SLFN11: variants seen among roughly 807,000 people sequenced by gnomAD.
SLFN11 encodes schlafen family member 11.
A neutral mutation model predicts 53.4 loss-of-function variants in SLFN11; 43 were observed. The ratio of observed to expected loss-of-function variants is 0.80; its 90% confidence interval spans 0.63 to 1.04. The LOEUF (loss-of-function observed/expected upper bound fraction) is 1.04. SLFN11 is among the 50% of genes least tolerant of loss of function. The pLI, the probability that SLFN11 is intolerant of heterozygous loss-of-function variation, is 0.00. For missense variants in SLFN11, 990 were observed against 1,079.1 expected (o/e 0.92, Z 1.16); for synonymous variants, 389 against 394.7 (o/e 0.99, Z 0.17).
chr17:35,367,747 C>T (rs17548548), intron 1 of SLFN11, 47 bp from the exon 2 acceptor site: 3,664 of 152,084 alleles, frequency 0.024, 71 homozygotes, highest in Non-Finnish European at 0.036. Flanking sequence ...ACTCAGTTTT[C>T]CTAGGTTCAA....
chr17:35,359,762 C>G (rs2141954018), intron 5 of SLFN11, among the ~76,000 whole-genome samples: 1 of 152,272 alleles, frequency 6.6e-6, no homozygotes, highest in South Asian at 2.1e-4. Context: ...CGTGGAAAAT[C>G]TGGCAAGGGC....
At chr17:35,354,141 T>A in intron 5 of SLFN11, 82 bp from the exon 6 acceptor site, 1 of 1,218,260 alleles carries the variant, frequency 8.2e-7, no homozygotes, top group South Asian at 2.2e-5. Context: ...AACTAATTGA[T>A]TAACTAAATG....
chr17:35,368,129 T>C (rs777482500), intron 1 of SLFN11, among the ~76,000 whole-genome samples: 2 of 152,132 alleles, frequency 1.3e-5, no homozygotes, highest in Non-Finnish European at 2.9e-5. Flanking sequence ...TGGGTGGTTC[T>C]TATTTTTTTG....
chr17:35,364,177 C>T (rs755422026), intron 3 of SLFN11, among the ~76,000 whole-genome samples: 5 of 152,006 alleles, frequency 3.3e-5, no homozygotes, highest in South Asian at 2.1e-4. Flanking sequence ...AGCAGTGGAG[C>T]GCATGAAGGG....
chr17:35,366,700 A>C (rs1908997015), intron 3 of SLFN11, among the ~76,000 whole-genome samples: 1 of 152,122 alleles, frequency 6.6e-6, no homozygotes, highest in African/African-American at 2.4e-5. Context: ...TGAACAGATA[A>C]GGTGGATGTT....
At chr17:35,362,256 A>G (rs572120511) in intron 4 of SLFN11, among the ~76,000 whole-genome samples, 1 of 152,244 alleles carries the variant, frequency 6.6e-6, no homozygotes, top group South Asian at 2.1e-4. Flanking sequence ...CCACACAGAT[A>G]CAATAGATGT....
intron 1 of SLFN11, among the ~76,000 whole-genome samples, chr17:35,369,418 A>G (rs1909375127): frequency 1.3e-5 from 2 of 152,190 alleles, no homozygotes; most frequent in Non-Finnish European, 2.9e-5. Context: ...GTGTCTCATG[A>G]TTTGAGGGCC....
chr17:35,362,872 A>G lies in SLFN11; in HGVS notation c.936T>C (p.Ala312=), dbSNP rs557756751. 25 of 1,614,042 alleles carry G rather than the reference A, an allele frequency of 1.5e-5. No individual in the cohort carries two copies. The South Asian group carries it at 2.2e-4, about 14-fold the overall frequency. The part of the protein sequence containing the change: ...VLKRGELYGY[A]CMIRVNPFCC... ...AGAAGGGATTTACTCTGATCATGCA[A>G]GCATAGCCATAGAGCTCTCCCCTTT... The change falls in exon 4 of 7, where the codon GCT becomes GCC. Residue 312 remains alanine, a synonymous_variant. Transcript: ENST00000685675.
chr17:35,358,354 G>T (rs1285453616), intron 5 of SLFN11, among the ~76,000 whole-genome samples: 2 of 151,382 alleles, frequency 1.3e-5, no homozygotes, highest in East Asian at 3.9e-4. Flanking sequence ...TGATTATCAT[G>T]AATTCTCCAG....
intron 5 of SLFN11, among the ~76,000 whole-genome samples, chr17:35,357,139 C>CATGT (rs775063779): frequency 2.1e-5 from 3 of 142,820 alleles, no homozygotes; most frequent in Non-Finnish European, 3.1e-5. Flanking sequence ...TTTTTCTGTG[C>CATGT]GTGTGTGTGT....
Position 35,363,770 on chromosome 17 carries a change from G to A in SLFN11, c.38C>T (p.Ser13Phe), listed in dbSNP as rs1908588085. The A allele has an allele frequency of 6.3e-7, 1 of 1,599,786 alleles. No homozygotes were observed. Among genetic ancestry groups the A allele is most frequent in the African/African-American group, 1.3e-5 (1 of 74,216 alleles). Residue 13 changes from serine (S) to phenylalanine (F), a missense_variant, in exon 4 of 7, where the codon TCT becomes TTT. Transcript: ENST00000685675. ...TACATTGATGACCAGGTCTGGGTAA[G>A]ATGGTTCCACAACCAGGGGGCACTG... is the stretch of plus-strand genomic sequence containing the variant. Reference protein sequence around the residue: ...ANQCPLVVEPSYPDLVINVGE... With the variant: ...ANQCPLVVEPFYPDLVINVGE...
Position 35,370,446 on chromosome 17 carries a change from T to C in SLFN11, c.-234-2746A>G, listed in dbSNP as rs188222367. Among the ~76,000 whole-genome samples the C allele has an allele frequency of 2.8e-4, 42 of 152,168 alleles. 1 individual carries two copies. In the East Asian group the frequency reaches 7.9e-3, roughly 29 times the overall value. ...ACTATAAGGATCCTCACTTTCACCA[T>C]TGTTATTCAACATAGAAATCCTAGC... On this transcript the variant is annotated intron_variant, in intron 1 of 6. Transcript: ENST00000685675.
chr17:35,363,595 C>T lies in SLFN11; in HGVS notation c.213G>A (p.Val71=). 6.2e-7 allele frequency: 1 copy of T among 1,613,870 alleles called. No individual in the cohort carries two copies. The highest frequency in any genetic ancestry group is 1.3e-5 in the African/African-American group (1 of 75,036). ...ACTGTTCTAAATCCAGTCCCATCTC[C>T]ACGGGATGCTCAACCTTCTTGGCCA... ...IRMAKKVEHP[V]EMGLDLEQSL... The change falls in exon 4 of 7, where the codon GTG becomes GTA. Residue 71 remains valine, a synonymous_variant. Coordinates refer to ENST00000685675, the MANE Select transcript of SLFN11 (RefSeq NM_001376007.1).
At chr17:35,369,896 T>G (rs1909436843) in intron 1 of SLFN11, among the ~76,000 whole-genome samples, 1 of 152,094 alleles carries the variant, frequency 6.6e-6, no homozygotes, top group African/African-American at 2.4e-5. Context: ...AAGAAAAGTC[T>G]GGGACCCGAT....
In SLFN11 at chr17:35,363,049, C is replaced by G. The variant is rs137864864; in HGVS notation, c.759G>C (p.Lys253Asn). Residue 253 changes from lysine to asparagine, a missense_variant, in exon 4 of 7, where the codon AAG becomes AAC. Lys to Asn is a moderately conservative substitution (Grantham distance 94). Coordinates refer to ENST00000685675, the MANE Select transcript of SLFN11 (RefSeq NM_001376007.1). Reference sequence around the variant, plus strand: ...TTGCACATCCCAGGACTTCCCTACTCTTATCATCCACTCCAATAAAAAGAT... The same window carrying G: ...TTGCACATCCCAGGACTTCCCTACTGTTATCATCCACTCCAATAAAAAGAT... ...GGYLFIGVDD[K>N]SREVLGCAKE... 7.4e-6 allele frequency: 12 copies of G among 1,613,928 alleles called. No individual in the cohort carries two copies. The African/African-American group carries it at 9.3e-5, about 13-fold the overall frequency.
intron 1 of SLFN11, among the ~76,000 whole-genome samples, chr17:35,373,104 G>A (rs1336522598): frequency 1.3e-5 from 2 of 152,068 alleles, no homozygotes; most frequent in Non-Finnish European, 2.9e-5. Flanking sequence ...GAGATCTGCA[G>A]CCCTGGGAGC....
chr17:35,352,498 C>G lies in SLFN11; in HGVS notation c.2564G>C (p.Arg855Pro). The G allele has an allele frequency of 6.2e-7, 1 of 1,614,152 alleles. No individual in the cohort carries two copies. Among genetic ancestry groups the G allele is most frequent in the Non-Finnish European group, 8.5e-7 (1 of 1,180,026 alleles). The change falls in exon 7 of 7, where the codon CGG (arginine) becomes CCG (proline). Residue 855 changes from arginine (R) to proline (P), a missense_variant. Physicochemically the swap from Arg to Pro is moderately radical, Grantham distance 103 (BLOSUM62 -2). Transcript: ENST00000685675. ...GCTCCTTTCCAGGCCTGAGAATCGC[C>G]GAACACTGTCCAACACAATGTGATC... ...LGDHIVLDSV[R>P]RFSGLERSIV...
chr17:35,366,416 A>G (rs1328561581), intron 3 of SLFN11, among the ~76,000 whole-genome samples: 1 of 152,176 alleles, frequency 6.6e-6, no homozygotes, highest in East Asian at 1.9e-4. Context: ...AAAAATCAGT[A>G]CAATCAACAA....
intron 5 of SLFN11, among the ~76,000 whole-genome samples, chr17:35,355,289 A>G (rs997955042): frequency 6.6e-6 from 1 of 152,060 alleles, no homozygotes; most frequent in Non-Finnish European, 1.5e-5. Context: ...AGTTCCAGCT[A>G]CTCAGGAGGC....
Sources: gnomAD v4.1 joint callset for allele counts (sites outside exome capture counted in the v4.1 genomes callset) on GRCh38, gnomAD v4.1.1 for gene constraint, MANE v1.5 for transcripts, NCBI Gene and HGNC (gene_info 2026-07-23, HGNC 2026-07-21) for gene names.